The following EXOC7 variants were observed in gnomAD, a reference collection of about 807,000 sequenced individuals.
The protein encoded by EXOC7 is exocyst complex component 7, also known as exocyst complex component Exo70.
EXOC7 carries 51 observed loss-of-function variants against 87.6 expected under a neutral mutation model. That is an observed-to-expected ratio of 0.58 (90% CI 0.46 to 0.73). EXOC7 has a LOEUF of 0.73. EXOC7 is among the 30% of genes least tolerant of loss of function. The pLI is 0.00. For missense variants in EXOC7, 744 were observed against 888.4 expected (o/e 0.84, Z 2.07); for synonymous variants, 327 against 357.1 (o/e 0.92, Z 0.95).
chr17:76,097,628 C>T (rs887110885), intron 5 of EXOC7, among the ~76,000 whole-genome samples, 168 bp downstream of exon 5: 9 of 148,242 alleles, frequency 6.1e-5, no homozygotes, highest in East Asian at 2.0e-4. Context: ...CGCTGGAACC[C>T]GGGTATGCAG....
chr17:76,086,689 G>A (rs1320445167), intron 12 of EXOC7, among the ~76,000 whole-genome samples: 1 of 152,132 alleles, frequency 6.6e-6, no homozygotes, highest in Admixed American at 6.5e-5. Flanking sequence ...TAAGCTCAGA[G>A]ACAGAGTGGC....
intron 8 of EXOC7, 73 bp downstream of exon 8, chr17:76,089,102 T>G: frequency 5.7e-6 from 9 of 1,592,182 alleles, no homozygotes; most frequent in South Asian, 5.5e-5. Context: ...GTGGGTGGAG[T>G]TGAGGGCTGC....
rs2067096039 is a variant in EXOC7, at chr17:76,084,067, C to T, written c.1891G>A (p.Asp631Asn). The change falls in exon 18 of 19, where the codon GAC (aspartate) becomes AAC (asparagine). Residue 631 changes from aspartate (D) to asparagine (N), a missense_variant. This residue lies in a region of EXOC7 where 228 missense variants were observed against 298.6 expected (regional missense o/e 0.76). Coordinates refer to ENST00000589210, the MANE Select transcript of EXOC7 (RefSeq NM_001013839.4). Reference sequence around the variant, plus strand: ...GTCTTCTGGGCCTGGCGAATCCTGTCCCTCTGCTCTGTGTCTGGAATAGCC... The same window carrying T: ...GTCTTCTGGGCCTGGCGAATCCTGTTCCTCTGCTCTGTGTCTGGAATAGCC... Reference protein sequence around the residue: ...AWAIPDTEQRDRIRQAQKTIV... With the variant: ...AWAIPDTEQRNRIRQAQKTIV... The T allele has an allele frequency of 1.2e-6, 2 of 1,610,476 alleles. No homozygotes were observed. The highest frequency in any genetic ancestry group is 1.7e-6 in the Non-Finnish European group (2 of 1,178,930).
At chr17:76,096,876 G>A (rs992715692) in intron 5 of EXOC7, among the ~76,000 whole-genome samples, 1 of 151,970 alleles carries the variant, frequency 6.6e-6, no homozygotes, top group African/African-American at 2.4e-5. Context: ...TGAGACAAGA[G>A]TCTCACTTTG....
Position 76,082,021 on chromosome 17 carries a change from C to A in EXOC7, c.*1627G>T. On this transcript the variant is annotated 3_prime_UTR_variant, in exon 19 of 19. Transcript: ENST00000589210. Reference sequence around the variant, plus strand: ...CCCCGAGAGGGGAACAGCGAGAGCACGGCAACCCAGGGCCTCATCCTGCTG... The same window carrying A: ...CCCCGAGAGGGGAACAGCGAGAGCAAGGCAACCCAGGGCCTCATCCTGCTG... The A allele has an allele frequency of 6.2e-7, 1 of 1,610,954 alleles. No individual in the cohort carries two copies. Among genetic ancestry groups the A allele is most frequent in the Non-Finnish European group, 8.5e-7 (1 of 1,179,184 alleles).
intron 18 of EXOC7, 76 bp from the exon 19 acceptor site, chr17:76,083,826 GAT>G: frequency 6.5e-7 from 1 of 1,543,288 alleles, no homozygotes; most frequent in Non-Finnish European, 8.9e-7. Flanking sequence ...AGGCACTCCT[GAT>G]AGTCTTGGAA....
At chr17:76,090,377 C>T in intron 7 of EXOC7, 1 of 1,551,712 alleles carries the variant, frequency 6.4e-7, no homozygotes, top group Non-Finnish European at 8.7e-7. Flanking sequence ...AGGTGCTTAA[C>T]TCGGAAATCA....
chr17:76,097,897 A>C lies in EXOC7; in HGVS notation c.539T>G (p.Leu180Arg), dbSNP rs1567984620. 6.2e-7 allele frequency: 1 copy of C among 1,614,014 alleles called. No individual in the cohort carries two copies. The highest frequency in any genetic ancestry group is 1.1e-5 in the South Asian group (1 of 91,074). The change falls in exon 5 of 19, where the codon CTG becomes CGG. Residue 180 changes from leucine (L) to arginine (R), a missense_variant. Leu to Arg is a moderately radical substitution (Grantham distance 102). Transcript: ENST00000589210. ...ILDLISGDDDLEAQEDVTLEH... is the reference protein window; with the variant it reads ...ILDLISGDDDREAQEDVTLEH... ...CAGGGTCACGTCCTCCTGGGCCTCC[A>C]GATCATCGTCACCACTGATCAGATC...
intron 12 of EXOC7, 55 bp from the exon 13 acceptor site, chr17:76,086,200 C>T: frequency 1.3e-6 from 2 of 1,552,848 alleles, no homozygotes; most frequent in Non-Finnish European, 1.8e-6. Context: ...CCCTCAACGG[C>T]CCTTCCCCCA....
At position 76,101,338 on chromosome 17, in the gene EXOC7, G is replaced by A. The variant is rs748072938; in HGVS notation, c.350C>T (p.Ala117Val). The A allele has an allele frequency of 3.1e-6, 5 of 1,613,950 alleles. No homozygotes were observed. Among genetic ancestry groups the A allele is most frequent in the South Asian group, 1.1e-5 (1 of 91,076 alleles). ...ATACTCCACTGCCTTCTGAATCTTG[G>A]CCATGCTTCCCAGGTACTCTTCCAG... Reference protein sequence around the residue: ...GRLEEYLGSMAKIQKAVEYFQ... With the variant: ...GRLEEYLGSMVKIQKAVEYFQ... Residue 117 changes from alanine to valine, a missense_variant, in exon 4 of 19, where the codon GCC becomes GTC. Physicochemically the swap from Ala to Val is moderately conservative, Grantham distance 64. This residue lies in a region of EXOC7 where 512 missense variants were observed against 573.0 expected (regional missense o/e 0.89). Transcript: ENST00000589210.
Position 76,085,316 on chromosome 17 carries a change from G to A in EXOC7, c.1710C>T (p.Arg570=). The change falls in exon 15 of 19, where the codon CGC becomes CGT. Residue 570 remains arginine (R), a splice_region_variant and synonymous_variant. Transcript: ENST00000589210. ...HIEQQIQTYQ[R]SWLKVTDYIA... ...GCAGGGCGGGCCCAGCCTCTCACCT[G>A]CGCTGGTAGGTCTGGATCTGCTGCT... 1.9e-6 allele frequency: 3 copies of A among 1,596,294 alleles called. No individual in the cohort carries two copies. Among genetic ancestry groups the A allele is most frequent in the Non-Finnish European group, 2.6e-6 (3 of 1,172,160 alleles).
At chr17:76,085,616 G>A (rs2067177714) in intron 14 of EXOC7, 61 bp downstream of exon 14, 1 of 1,611,418 alleles carries the variant, frequency 6.2e-7, no homozygotes, top group Admixed American at 1.7e-5. Context: ...GCAGGGGCTG[G>A]CACAGCTGCA....
In EXOC7 at chr17:76,081,581, G is replaced by A. The variant is rs370429794; in HGVS notation, c.*2067C>T. The A allele has an allele frequency of 6.2e-6, 10 of 1,613,686 alleles. No homozygotes were observed. In the African/African-American group the frequency reaches 9.3e-5, roughly 15 times the overall value. ...GAACACGGCGCTCAAGTCCATCATC[G>A]CTCTCTTGGTGCCTGCAGAGGCACT... On this transcript the variant is annotated 3_prime_UTR_variant, in exon 19 of 19. Transcript: ENST00000589210.
chr17:76,100,366 A>G (rs995648702), intron 4 of EXOC7, among the ~76,000 whole-genome samples: 2 of 151,768 alleles, frequency 1.3e-5, no homozygotes, highest in Non-Finnish European at 2.9e-5. Context: ...GGTGGCTCAC[A>G]CCTGTAATCC....
At chr17:76,083,928 T>C in intron 18 of EXOC7, 78 bp downstream of exon 18, 1 of 1,486,092 alleles carries the variant, frequency 6.7e-7, no homozygotes, top group Non-Finnish European at 9.0e-7. Context: ...TTCTCCTTTT[T>C]CCCTTGAGGA....
intron 7 of EXOC7, chr17:76,090,496 G>C: frequency 7.7e-6 from 12 of 1,550,490 alleles, no homozygotes; most frequent in Non-Finnish European, 1.0e-5. Context: ...ATCTCCAGGA[G>C]GGGGACGTCA....
chr17:76,096,837 T>C (rs2067782627), intron 5 of EXOC7, among the ~76,000 whole-genome samples: 1 of 152,150 alleles, frequency 6.6e-6, no homozygotes, highest in Non-Finnish European at 1.5e-5. Context: ...ATTACAGGCA[T>C]GAGCCACTGC....
At chr17:76,095,918 T>A (rs1315992598) in intron 5 of EXOC7, among the ~76,000 whole-genome samples, 1 of 152,170 alleles carries the variant, frequency 6.6e-6, no homozygotes, top group East Asian at 1.9e-4. Flanking sequence ...ATGAAAACTA[T>A]GGTGGATTTC....
intron 5 of EXOC7, among the ~76,000 whole-genome samples, chr17:76,097,120 T>C (rs951466886): frequency 2.6e-5 from 4 of 152,176 alleles, no homozygotes; most frequent in African/African-American, 9.7e-5. Flanking sequence ...ACTGTTAGGA[T>C]TACAGGCATA....
Sources: allele counts gnomAD v4.1 joint callset (sites outside exome capture counted in the v4.1 genomes callset), GRCh38; gene constraint gnomAD v4.1.1; regional missense constraint gnomAD v4.1.1; transcripts MANE v1.5; gene names NCBI Gene and HGNC (gene_info 2026-07-23, HGNC 2026-07-21).